The following MZT2A variants were observed in gnomAD, a reference collection of about 807,000 sequenced individuals.
MZT2A encodes the protein mitotic-spindle organizing protein 2A.
Under a neutral mutation model 12.4 loss-of-function variants are expected in MZT2A, and 8 were observed. The ratio of observed to expected loss-of-function variants is 0.64; its 90% CI spans 0.38 to 1.16. MZT2A has a LOEUF of 1.16. MZT2A is among the 50% of genes most tolerant of loss of function. The pLI, the probability that MZT2A is intolerant of heterozygous loss-of-function variation, is 0.01. For missense variants in MZT2A, 181 were observed against 223.6 expected (o/e 0.81, Z 1.22); for synonymous variants, 88 against 107.5 (o/e 0.82, Z 1.12).
intron 2 of MZT2A, chr2:131,478,131 T>C (rs912333410): frequency 3.8e-6 from 6 of 1,596,478 alleles, no homozygotes; most frequent in African/African-American, 1.3e-5. Flanking sequence ...TGCCTTGAAA[T>C]GAATGGGTTC....
intron 2 of MZT2A, among the ~76,000 whole-genome samples, chr2:131,487,324 T>C (rs1283459658): frequency 6.6e-6 from 1 of 151,892 alleles, no homozygotes; most frequent in Non-Finnish European, 1.5e-5. Flanking sequence ...CCACAAAAAA[T>C]TTAAAAATTA....
chr2:131,482,757 C>T (rs761360335), downstream of MZT2A: 15 of 1,614,008 alleles, frequency 9.3e-6, no homozygotes, highest in Non-Finnish European at 1.2e-5. Context: ...TTCTCTGAGG[C>T]CCGCGAGGAC....
At chr2:131,492,751 C>A, upstream of MZT2A, 1 of 1,288,220 alleles carries the variant, frequency 7.8e-7, no homozygotes, top group Non-Finnish European at 1.0e-6. Flanking sequence ...TTTTCTGGTC[C>A]GCACCGGTGC....
At chr2:131,490,870 C>A (rs1679266621) in intron 2 of MZT2A, 1 of 1,550,042 alleles carries the variant, frequency 6.5e-7, no homozygotes, top group Non-Finnish European at 8.7e-7. Flanking sequence ...GGCTACTGTT[C>A]CTGGCAGAGA....
At chr2:131,491,383 C>A (rs1229112397) in intron 2 of MZT2A, 1 of 269,236 alleles carries the variant, frequency 3.7e-6, no homozygotes, top group African/African-American at 2.3e-5. Flanking sequence ...TGCCCTGCTC[C>A]CTGGGCACTT....
Position 131,491,858 on chromosome 2 carries a change from A to G in MZT2A, c.319+18T>C. The G allele has an allele frequency of 7.0e-7, 1 of 1,433,340 alleles. No homozygotes were observed. The allele number at this position is 1,433,340 out of a possible 1,614,324, so 88.8% of individuals were successfully genotyped here. ...CCACCCCCGCCACTGGGGCAGGGAC[A>G]GCGGGCCCAGCTCTGACCTCGGGTC... On this transcript the variant is annotated intron_variant, in intron 2 of 2. Coordinates refer to ENST00000309451, the MANE Select transcript of MZT2A (RefSeq NM_001085365.2).
intron 2 of MZT2A, among the ~76,000 whole-genome samples, chr2:131,472,810 G>A (rs973216652): frequency 2.0e-5 from 3 of 152,144 alleles, no homozygotes; most frequent in African/African-American, 4.8e-5. Flanking sequence ...GCTGAAGGAC[G>A]CGTGGCTGGA....
intron 3 of MZT2A, among the ~76,000 whole-genome samples, chr2:131,470,854 C>A (rs1265899867): frequency 6.8e-6 from 1 of 147,640 alleles, no homozygotes; most frequent in African/African-American, 2.7e-5. Flanking sequence ...AGACCAGCGC[C>A]TGGGCAAAAT....
chr2:131,493,249 C>T (rs1679424281), upstream of MZT2A: 3 of 1,352,408 alleles, frequency 2.2e-6, no homozygotes, highest in Non-Finnish European at 1.9e-6. Flanking sequence ...CTCGGGCGGC[C>T]CGGCGGCTCT....
upstream of MZT2A, chr2:131,492,419 C>T (rs1328457234): frequency 5.3e-5 from 64 of 1,214,236 alleles, no homozygotes; most frequent in Non-Finnish European, 6.4e-5. Flanking sequence ...CGCCGCGCCC[C>T]CTAGCGGATG....
At chr2:131,474,191 G>T (rs1439540496) in intron 2 of MZT2A, among the ~76,000 whole-genome samples, 21 of 150,730 alleles carry the variant, frequency 1.4e-4, no homozygotes, top group Non-Finnish European at 2.2e-4. Context: ...TCCACCTCCC[G>T]GGTTCATGCC....
intron 2 of MZT2A, among the ~76,000 whole-genome samples, chr2:131,489,106 C>A (rs1337749919): frequency 6.6e-6 from 1 of 152,242 alleles, no homozygotes; most frequent in Non-Finnish European, 1.5e-5. Context: ...CTCTGCTGAC[C>A]CTTCCTGCTC....
chr2:131,489,817 G>A (rs1174550712), intron 2 of MZT2A: 1 of 940,056 alleles, frequency 1.1e-6, no homozygotes, highest in African/African-American at 1.8e-5. Flanking sequence ...TGGTCTCACT[G>A]GTGGTTTTCC....
In MZT2A at chr2:131,492,269, C is replaced by T. The variant is rs1452303071; in HGVS notation, c.108G>A (p.Glu36=). ...ALRRKKVLST[E]EMELYELAQA... is the part of the protein sequence containing the mutation. ...GAGCCAGCTCGTACAGCTCCATCTC[C>T]TCGGTGCTCAGCACCTTCTTGCGCC... The change falls in exon 1 of 3, where the codon GAG becomes GAA. Residue 36 remains glutamate (E), a synonymous_variant. Coordinates refer to ENST00000309451, the MANE Select transcript of MZT2A (RefSeq NM_001085365.2). 4 of 1,580,482 alleles carry T rather than the reference C, an allele frequency of 2.5e-6. No homozygotes were observed. Among genetic ancestry groups the T allele is most frequent in the African/African-American group, 2.7e-5 (2 of 73,924 alleles).
At position 131,492,229 on chromosome 2, in the gene MZT2A, C is replaced by CA. The variant is rs759548139; in HGVS notation, c.147_148insT (p.Gly50TrpfsTer132). 1 of 1,582,712 alleles carries CA rather than the reference C, an allele frequency of 6.3e-7. No individual in the cohort carries two copies. The highest frequency in any genetic ancestry group is 1.3e-5 in the African/African-American group (1 of 74,138). ...CACTTGAACACGTCGGGGTCGATAC[C>CA]GCCGCCCGCCGCCTGAGCCAGCTCG... is the stretch of plus-strand genomic sequence containing the variant. On this transcript the variant is annotated frameshift_variant, in exon 1 of 3. Coordinates refer to ENST00000309451, the MANE Select transcript of MZT2A (RefSeq NM_001085365.2). LOFTEE classifies it high-confidence loss of function.
intron 2 of MZT2A, among the ~76,000 whole-genome samples, chr2:131,488,019 G>A (rs1236920594): frequency 2.0e-5 from 3 of 152,114 alleles, no homozygotes; most frequent in Admixed American, 6.6e-5. Context: ...CAGCAGCCTC[G>A]GCCTCCCAAG....
At chr2:131,472,307 A>C in intron 2 of MZT2A, 1 of 740,140 alleles carries the variant, frequency 1.4e-6, no homozygotes, top group South Asian at 2.1e-5. Context: ...TTATTGCTGT[A>C]TACTAAATAA....
intron 2 of MZT2A, chr2:131,478,247 A>T: frequency 6.2e-7 from 1 of 1,614,088 alleles, no homozygotes; most frequent in Non-Finnish European, 8.5e-7. Flanking sequence ...TTGAACATGG[A>T]ATTCAGCCCG....
chr2:131,492,184 C>A (rs779140394), intron 1 of MZT2A, 23 bp downstream of exon 1: 2 of 1,540,946 alleles, frequency 1.3e-6, no homozygotes, highest in South Asian at 1.2e-5. Flanking sequence ...GGCGAGCATG[C>A]GGCCCCCACC....
Sources: gnomAD v4.1 joint callset for allele counts (sites outside exome capture counted in the v4.1 genomes callset) on GRCh38, gnomAD v4.1.1 for gene constraint, MANE v1.5 for transcripts, NCBI Gene and HGNC (gene_info 2026-07-23, HGNC 2026-07-21) for gene names.